ABHD2: variants seen among roughly 807,000 people sequenced by gnomAD.
The protein encoded by ABHD2 is abhydrolase domain containing 2, acylglycerol lipase.
A neutral mutation model predicts 48.1 loss-of-function variants in ABHD2; 20 were observed. That is an observed-to-expected ratio of 0.42 (90% CI 0.29 to 0.60). The LOEUF is 0.60. Among genes scored for constraint, ABHD2 ranks in the 20% least tolerant of loss-of-function variants. The pLI, the probability that ABHD2 is intolerant of heterozygous loss-of-function variation, is 0.24. For missense variants in ABHD2, 405 were observed against 550.9 expected, an observed-to-expected ratio of 0.74 and a Z score of 2.65; for synonymous variants, 209 against 214.2, an observed-to-expected ratio of 0.98 and a Z score of 0.21.
At position 89,177,371 on chromosome 15, in the gene ABHD2, G is replaced by A. The variant is rs1285638629; in HGVS notation, c.722+1376G>A. On this transcript the variant is annotated intron_variant, in intron 6 of 10. Transcript: ENST00000352732. The surrounding 1 kb of genome is among the most constrained non-coding windows in gnomAD (Gnocchi z 5.6). Reference sequence around the variant, plus strand: ...GTTCGATCGGCGGATCACAAAGACCGGTCCAGTGAACTAGTGACTGCCTCA... The same window carrying A: ...GTTCGATCGGCGGATCACAAAGACCAGTCCAGTGAACTAGTGACTGCCTCA... 6.6e-6 allele frequency among the ~76,000 whole-genome samples: 1 copy of A among 152,132 alleles called. No individual in the cohort carries two copies. The highest frequency in any genetic ancestry group is 1.5e-5 in the Non-Finnish European group (1 of 68,024).
Position 89,201,230 on chromosome 15 carries a change from C to G in ABHD2, c.*5807C>G. The stretch of plus-strand genomic sequence containing the variant: ...CTTTCTGAGCCTTAAACCTTCATCT[C>G]TCAGGTGTTGATTTGCTTCTGATAG... On this transcript the variant is annotated 3_prime_UTR_variant, in exon 11 of 11. Coordinates refer to ENST00000352732, the MANE Select transcript of ABHD2 (RefSeq NM_152924.5). The G allele has an allele frequency of 7.1e-7, 1 of 1,414,734 alleles. No individual in the cohort carries two copies. Among genetic ancestry groups the G allele is most frequent in the Non-Finnish European group, 9.9e-7 (1 of 1,009,734 alleles). The allele number at this position is 1,414,734 out of a possible 1,614,324, so 87.6% of individuals were successfully genotyped here. A position where few individuals can be genotyped will look rare whatever the true frequency, so the allele number is the denominator to read the frequency against.
intron 4 of ABHD2, among the ~76,000 whole-genome samples, chr15:89,153,835 A>G (rs952013075): frequency 5.9e-5 from 9 of 152,228 alleles, no homozygotes; most frequent in African/African-American, 1.7e-4. Context: ...TTTTTCCAAA[A>G]TCTGAATTAT....
chr15:89,152,764 A>G (rs982552805), intron 4 of ABHD2, among the ~76,000 whole-genome samples: 1 of 152,154 alleles, frequency 6.6e-6, no homozygotes, highest in African/African-American at 2.4e-5. Flanking sequence ...TGAAATTTTC[A>G]TTGCTGCTGG....
chr15:89,172,517 C>G (rs1238590556), intron 5 of ABHD2, among the ~76,000 whole-genome samples: 1 of 152,178 alleles, frequency 6.6e-6, no homozygotes, highest in Non-Finnish European at 1.5e-5. Context: ...CTTATCCATT[C>G]ATCCATCAAG....
At chr15:89,089,543 T>A (rs1221277573) in intron 1 of ABHD2, among the ~76,000 whole-genome samples, 1 of 152,240 alleles carries the variant, frequency 6.6e-6, no homozygotes. Context: ...TTTTGGTTGC[T>A]GGACCTCCAG....
In ABHD2 at chr15:89,175,819, G is replaced by C; in HGVS notation, c.546G>C (p.Thr182=). ...TSPRMFTYGC[T]WEFGAMVNYI... ...TCACCCTTTTGCCCACAGGCTGCAC[G>C]TGGGAATTTGGAGCCATGGTGAACT... Residue 182 remains threonine (T), a synonymous_variant, in exon 6 of 11, where the codon ACG becomes ACC. Coordinates refer to ENST00000352732, the MANE Select transcript of ABHD2 (RefSeq NM_152924.5). The surrounding 1 kb of genome is among the most constrained non-coding windows in gnomAD (Gnocchi z 5.7). 1 of 1,614,056 alleles carries C rather than the reference G, an allele frequency of 6.2e-7. No individual in the cohort carries two copies. The highest frequency in any genetic ancestry group is 8.5e-7 in the Non-Finnish European group (1 of 1,179,976).
In ABHD2 at chr15:89,200,561, T is replaced by G. The variant is rs1176877738; in HGVS notation, c.*5138T>G. 2 of 152,976 alleles carry G rather than the reference T, an allele frequency of 1.3e-5. No homozygotes were observed. Among genetic ancestry groups the G allele is most frequent in the Non-Finnish European group, 1.5e-5 (1 of 68,284 alleles). 9.5% of individuals were successfully genotyped at this position (152,976 alleles called of 1,614,324 possible). On this transcript the variant is annotated 3_prime_UTR_variant, in exon 11 of 11. Transcript: ENST00000352732. ...TGCAACTGAAAGCTGCTAGTGATGA[T>G]CTGGTAATATACAATTTGTCCAGTA...
At chr15:89,061,919 T>C in the ABHD2 span, among the ~76,000 whole-genome samples, 1 of 152,234 alleles carries the variant, frequency 6.6e-6, no homozygotes, top group Admixed American at 6.5e-5. Flanking sequence ...GGCAAACATA[T>C]TAATAGCTGC....
At chr15:89,156,879 C>G (rs1249186157) in intron 5 of ABHD2, among the ~76,000 whole-genome samples, 1 of 152,076 alleles carries the variant, frequency 6.6e-6, no homozygotes, top group African/African-American at 2.4e-5. Context: ...ATGTTATAAG[C>G]AAATAAATTG....
intron 6 of ABHD2, among the ~76,000 whole-genome samples, chr15:89,181,054 C>A (rs1362525377): frequency 1.3e-5 from 2 of 151,626 alleles, no homozygotes; most frequent in African/African-American, 4.8e-5. Context: ...GGTGAAACAC[C>A]ACCTCTACTA....
At chr15:89,052,736 A>G in the ABHD2 span, among the ~76,000 whole-genome samples, 2 of 152,130 alleles carry the variant, frequency 1.3e-5, no homozygotes, top group African/African-American at 4.8e-5. Context: ...CATCCAGCCA[A>G]TACCCTGATC....
At chr15:89,180,730 T>TC (rs1298100774) in intron 6 of ABHD2, among the ~76,000 whole-genome samples, 3 of 152,128 alleles carry the variant, frequency 2.0e-5, no homozygotes, top group African/African-American at 7.2e-5. Context: ...CGTGCCCTCT[T>TC]CCTCTCTCTG....
chr15:89,109,837 T>C (rs146094057), intron 1 of ABHD2, among the ~76,000 whole-genome samples: 5 of 152,348 alleles, frequency 3.3e-5, no homozygotes, highest in African/African-American at 9.6e-5. Flanking sequence ...CTACATTTTA[T>C]ACAGTCGTTC....
intron 5 of ABHD2, among the ~76,000 whole-genome samples, chr15:89,162,686 A>G: frequency 6.6e-6 from 1 of 152,040 alleles, no homozygotes; most frequent in East Asian, 1.9e-4. Flanking sequence ...TCCCTCATCT[A>G]AAGCTCCCCC....
Position 89,188,325 on chromosome 15 carries a change from A to G in ABHD2, c.926+22A>G. 1.2e-6 allele frequency: 2 copies of G among 1,609,972 alleles called. No individual in the cohort carries two copies. The highest frequency in any genetic ancestry group is 1.7e-6 in the Non-Finnish European group (2 of 1,176,652). ...TGAGGTGTGTCCGCGCAGGCGGGAG[A>G]GGGACGCTCTGGGGCAGGGTGCCAG... On this transcript the variant is annotated intron_variant, in intron 8 of 10. Transcript: ENST00000352732. The surrounding 1 kb of genome is among the most constrained non-coding windows in gnomAD (Gnocchi z 4.1).
chr15:89,170,753 CTAAG>C (rs1460563057), intron 5 of ABHD2, among the ~76,000 whole-genome samples: 1 of 152,150 alleles, frequency 6.6e-6, no homozygotes, highest in Non-Finnish European at 1.5e-5. Context: ...AAAATGATTT[CTAAG>C]TGTCATTTTA....
the ABHD2 span, among the ~76,000 whole-genome samples, chr15:89,060,562 AACATAGGTC>A: frequency 1.3e-5 from 2 of 152,048 alleles, no homozygotes; most frequent in African/African-American, 4.8e-5. Context: ...AAAAAGACAA[AACATAGGTC>A]ACATTCTCAA....
chr15:89,103,896 A>C (rs949468580), intron 1 of ABHD2: 2 of 152,058 alleles, frequency 1.3e-5, no homozygotes, highest in African/African-American at 4.8e-5. Flanking sequence ...TCCCTTTTTC[A>C]TTTCAGGCAC....
intron 9 of ABHD2, 38 bp downstream of exon 9, chr15:89,191,187 C>T: frequency 6.2e-7 from 1 of 1,602,966 alleles, no homozygotes; most frequent in Non-Finnish European, 8.5e-7. Flanking sequence ...AGCATCACTC[C>T]ACCCAGCCTC....
Sources: allele counts gnomAD v4.1 joint callset (sites outside exome capture counted in the v4.1 genomes callset), GRCh38; gene constraint gnomAD v4.1.1; non-coding constraint Gnocchi (gnomAD v3.1); transcripts MANE v1.5; gene names NCBI Gene and HGNC (gene_info 2026-07-23, HGNC 2026-07-21).